PTTG1IP2: variants seen among roughly 807,000 people sequenced by gnomAD.
PTTG1IP2 encodes PTTG1IP family member 2.
intron 1 of PTTG1IP2, among the ~76,000 whole-genome samples, chr7:90,471,041 A>G (rs1242545916): frequency 3.9e-5 from 6 of 152,070 alleles, no homozygotes; most frequent in African/African-American, 1.4e-4. Context: ...ATCTCCAAAG[A>G]TGGAAGTTTC....
At chr7:90,491,498 C>G (rs1797937588) in intron 4 of PTTG1IP2, among the ~76,000 whole-genome samples, 1 of 151,844 alleles carries the variant, frequency 6.6e-6, no homozygotes, top group African/African-American at 2.4e-5. Context: ...TGGCACGCAC[C>G]TATGGTTCCA....
intron 6 of PTTG1IP2, among the ~76,000 whole-genome samples, chr7:90,509,205 G>A (rs1204909743): frequency 6.6e-6 from 1 of 151,842 alleles, no homozygotes; most frequent in Non-Finnish European, 1.5e-5. Flanking sequence ...GGGGAAGTGG[G>A]TTGGGTGGGT....
intron 6 of PTTG1IP2, among the ~76,000 whole-genome samples, chr7:90,508,302 T>A (rs1798147576): frequency 6.6e-6 from 1 of 151,046 alleles, no homozygotes; most frequent in African/African-American, 2.4e-5. Context: ...AAAAAATATT[T>A]CTACAGTAAG....
intron 2 of PTTG1IP2, among the ~76,000 whole-genome samples, chr7:90,480,267 AAGAACATCCTCCAGTC>A (rs1161622552): frequency 6.6e-6 from 1 of 152,142 alleles, no homozygotes; most frequent in Non-Finnish European, 1.5e-5. Flanking sequence ...TCAACAAGAC[AAGAACATCCTCCAGTC>A]CTTTAACACT....
At chr7:90,501,972 A>G (rs138329936) in intron 6 of PTTG1IP2, among the ~76,000 whole-genome samples, 1 of 152,208 alleles carries the variant, frequency 6.6e-6, no homozygotes, top group Admixed American at 6.5e-5. Context: ...TATCAATTAC[A>G]TTTATGTAAT....
At chr7:90,473,897 T>C (rs1310535393) in intron 1 of PTTG1IP2, among the ~76,000 whole-genome samples, 4 of 152,244 alleles carry the variant, frequency 2.6e-5, no homozygotes, top group Non-Finnish European at 5.9e-5. Context: ...TAGTATCTTC[T>C]GTAAATGGTT....
chr7:90,481,133 A>G (rs771323230), intron 2 of PTTG1IP2, among the ~76,000 whole-genome samples: 14 of 152,112 alleles, frequency 9.2e-5, no homozygotes, highest in Non-Finnish European at 1.3e-4. Context: ...GCCTAGATCT[A>G]TTGTTTCCCT....
intron 2 of PTTG1IP2, among the ~76,000 whole-genome samples, chr7:90,486,467 C>CAT (rs1797875742): frequency 1.7e-5 from 2 of 119,222 alleles, no homozygotes; most frequent in South Asian, 5.4e-4. Flanking sequence ...CTTTGTCTTC[C>CAT]TTTTTTTTTT....
At chr7:90,511,854 G>A (rs953695016) in intron 6 of PTTG1IP2, among the ~76,000 whole-genome samples, 1 of 152,094 alleles carries the variant, frequency 6.6e-6, no homozygotes, top group Non-Finnish European at 1.5e-5. Context: ...AAAATAATTG[G>A]TTGTTCACAT....
chr7:90,491,631 A>G (rs1423588550), intron 4 of PTTG1IP2, among the ~76,000 whole-genome samples: 1 of 151,988 alleles, frequency 6.6e-6, no homozygotes, highest in Non-Finnish European at 1.5e-5. Flanking sequence ...TAAGAAAAAA[A>G]AAAAAAAGAA....
At chr7:90,496,797 G>A (rs1273127857) in intron 6 of PTTG1IP2, among the ~76,000 whole-genome samples, 7 of 151,892 alleles carry the variant, frequency 4.6e-5, no homozygotes, top group Non-Finnish European at 1.0e-4. Flanking sequence ...ATTAATTTGA[G>A]ATCTTTCTTT....
chr7:90,491,358 C>T (rs1434244619), intron 4 of PTTG1IP2, among the ~76,000 whole-genome samples: 1 of 152,174 alleles, frequency 6.6e-6, no homozygotes, highest in Admixed American at 6.5e-5. Flanking sequence ...TGTGCTGGCT[C>T]ACGCCCGTAA....
At chr7:90,482,309 G>A (rs1797822399) in intron 2 of PTTG1IP2, among the ~76,000 whole-genome samples, 1 of 152,070 alleles carries the variant, frequency 6.6e-6, no homozygotes, top group African/African-American at 2.4e-5. Flanking sequence ...GACTTGGAGA[G>A]AATATATATA....
intron 2 of PTTG1IP2, among the ~76,000 whole-genome samples, chr7:90,483,486 G>A (rs567649593): frequency 6.6e-6 from 1 of 152,222 alleles, no homozygotes; most frequent in Admixed American, 6.5e-5. Flanking sequence ...GACAAATCCA[G>A]CCTATTTCTG....
intron 6 of PTTG1IP2, among the ~76,000 whole-genome samples, chr7:90,503,771 A>G (rs1798086925): frequency 6.6e-6 from 1 of 152,198 alleles, no homozygotes; most frequent in East Asian, 1.9e-4. Flanking sequence ...AAAGATCATC[A>G]TCATGGATCA....
At chr7:90,479,775 A>G (rs911142695) in intron 2 of PTTG1IP2, among the ~76,000 whole-genome samples, 3 of 152,202 alleles carry the variant, frequency 2.0e-5, no homozygotes, top group African/African-American at 7.2e-5. Context: ...GGAAATGGCC[A>G]CTTTGTGTCA....
intron 2 of PTTG1IP2, among the ~76,000 whole-genome samples, chr7:90,485,490 T>C (rs911421925): frequency 1.3e-5 from 2 of 152,092 alleles, no homozygotes. Flanking sequence ...CACTATTCAA[T>C]AGAAGAGAGA....
chr7:90,490,861 T>C (rs1279583700), intron 4 of PTTG1IP2, among the ~76,000 whole-genome samples: 1 of 152,072 alleles, frequency 6.6e-6, no homozygotes, highest in Admixed American at 6.6e-5. Context: ...AACCCTGAAG[T>C]CTCTCTGAAA....
chr7:90,502,190 G>A (rs1005098300), intron 6 of PTTG1IP2, among the ~76,000 whole-genome samples: 6 of 152,160 alleles, frequency 3.9e-5, no homozygotes, highest in African/African-American at 9.7e-5. Context: ...CATCTGCAGT[G>A]ACTTCTTCCA....
Sources: gnomAD v4.1 joint callset for allele counts (sites outside exome capture counted in the v4.1 genomes callset) on GRCh38, gnomAD v4.1.1 for gene constraint, MANE v1.5 for transcripts, NCBI Gene and HGNC (gene_info 2026-07-23, HGNC 2026-07-21) for gene names.